Variants in PIGB observed in about 807,000 individuals in gnomAD.
PIGB encodes GPI alpha-1,2-mannosyltransferase 3.
In PIGB, 58 loss-of-function variants were observed where a neutral mutation model predicts 68.4. That is an observed-to-expected ratio of 0.85 (90% CI 0.69 to 1.06). The LOEUF (loss-of-function observed/expected upper bound fraction) is 1.06. Among genes scored for constraint, PIGB ranks in the 50% least tolerant of loss-of-function variants. The pLI is 0.00. For missense variants in PIGB, 634 were observed against 655.8 expected (o/e 0.97, Z 0.36); for synonymous variants, 219 against 220.5 (o/e 0.99, Z 0.06).
In PIGB at chr15:55,340,757, G is replaced by A; in HGVS notation, c.992G>A (p.Cys331Tyr). 1.2e-6 allele frequency: 2 copies of A among 1,611,242 alleles called. No homozygotes were observed. Among genetic ancestry groups the A allele is most frequent in the Non-Finnish European group, 1.7e-6 (2 of 1,178,496 alleles). Reference protein sequence around the residue: ...GTHLPFFIHGCYLAPKRYRIL... With the variant: ...GTHLPFFIHGYYLAPKRYRIL... ...CACTTACCCTTCTTTATTCATGGCTGCTATCTAGCACCAAAGAGATACCGG... is the reference window on the plus strand; with the variant it reads ...CACTTACCCTTCTTTATTCATGGCTACTATCTAGCACCAAAGAGATACCGG... Residue 331 changes from cysteine to tyrosine, a missense_variant, in exon 8 of 12, where the codon TGC becomes TAC. By Grantham distance (194) the Cys-to-Tyr change is radical. Transcript: ENST00000164305.
chr15:55,344,396 AAATATGC>A (rs2055743342), intron 9 of PIGB, among the ~76,000 whole-genome samples: 1 of 152,274 alleles, frequency 6.6e-6, no homozygotes, highest in Admixed American at 6.5e-5. Context: ...GAGAGGGAGC[AAATATGC>A]AAGGCCCTTT....
intron 6 of PIGB, 58 bp from the exon 7 acceptor site, chr15:55,339,209 A>ATT: frequency 8.1e-7 from 1 of 1,242,138 alleles, no homozygotes; most frequent in Non-Finnish European, 1.2e-6. Flanking sequence ...GCCATATGCT[A>ATT]ATAGTGGATT....
chr15:55,343,262 C>T (rs2055713581), intron 9 of PIGB: 1 of 152,168 alleles, frequency 6.6e-6, no homozygotes, highest in Non-Finnish European at 1.5e-5. Context: ...AAAATTTAGA[C>T]ATCTAACAGC....
chr15:55,321,831 T>G (rs918390501), intron 3 of PIGB, among the ~76,000 whole-genome samples: 1 of 149,188 alleles, frequency 6.7e-6, no homozygotes, highest in African/African-American at 2.4e-5. Flanking sequence ...TTTGTATTTT[T>G]AGTAGAGATG....
intron 9 of PIGB, 34 bp downstream of exon 9, chr15:55,341,836 A>G: frequency 1.1e-6 from 1 of 944,224 alleles, no homozygotes; most frequent in Non-Finnish European, 1.5e-6. Context: ...AAAATAAATT[A>G]TATAGAAATA....
At chr15:55,348,266 T>G (rs534004547) in intron 9 of PIGB, 2 of 152,432 alleles carry the variant, frequency 1.3e-5, no homozygotes, top group African/African-American at 4.8e-5. Flanking sequence ...ATTACAGGCG[T>G]GAGCCACAGC....
rs377639710 is a variant in PIGB at position 55,329,777 on chromosome 15, T to C, written c.576T>C (p.Leu192=). The C allele has an allele frequency of 6.2e-7, 1 of 1,610,842 alleles. No individual in the cohort carries two copies. ...WFTWYCCTRT[L]TNTMETVLTI... Reference sequence around the variant, plus strand: ...CATGGTATTGCTGTACCAGAACCCTTACAAACACCATGGAAACTGTTCTCA... The same window carrying C: ...CATGGTATTGCTGTACCAGAACCCTCACAAACACCATGGAAACTGTTCTCA... The change falls in exon 5 of 12, where the codon CTT becomes CTC. Residue 192 remains leucine, a synonymous_variant. Coordinates refer to ENST00000164305, the MANE Select transcript of PIGB (RefSeq NM_004855.5).
Position 55,354,926 on chromosome 15 carries a change from A to C in PIGB, c.1466A>C (p.His489Pro), listed in dbSNP as rs1472592909. ...NPLNWLHREF[H>P]DDASLPTHLI... ...TTAAACTGGTTACATAGAGAGTTTC[A>C]TGATGATGCATCATTGCCTACTCAC... The change falls in exon 11 of 12, where the codon CAT becomes CCT. Residue 489 changes from histidine (H) to proline (P), a missense_variant. Coordinates refer to ENST00000164305, the MANE Select transcript of PIGB (RefSeq NM_004855.5). The C allele has an allele frequency of 1.2e-6, 2 of 1,613,342 alleles. No homozygotes were observed. The highest frequency in any genetic ancestry group is 3.3e-5 in the Admixed American group (2 of 59,948).
chr15:55,354,580 T>C, intron 10 of PIGB: 1 of 475,018 alleles, frequency 2.1e-6, no homozygotes, highest in Non-Finnish European at 3.6e-6. Context: ...AGTTTGGGCT[T>C]ATAGGTTATA....
intron 4 of PIGB, among the ~76,000 whole-genome samples, chr15:55,328,504 A>C (rs976704332): frequency 6.6e-6 from 1 of 152,340 alleles, no homozygotes; most frequent in East Asian, 1.9e-4. Context: ...CAGGTATTCT[A>C]TTCCTTTGCA....
chr15:55,354,371 G>C (rs2056018421), intron 10 of PIGB, among the ~76,000 whole-genome samples: 1 of 151,896 alleles, frequency 6.6e-6, no homozygotes. Flanking sequence ...AGAAAGGGAA[G>C]AGAGAAAGAA....
Position 55,329,859 on chromosome 15 carries a change from G to T in PIGB, c.653+5G>T, listed in dbSNP as rs1213610636. On this transcript the variant is annotated splice_donor_5th_base_variant and intron_variant, in intron 5 of 11. Transcript: ENST00000164305. ...AGGTTCAAAGTCTATGAACAGGTAA[G>T]AAAAATTATTGTTAATAATTATGTT... 6.5e-7 allele frequency: 1 copy of T among 1,540,754 alleles called. No homozygotes were observed. Among genetic ancestry groups the T allele is most frequent in the East Asian group, 2.2e-5 (1 of 44,472 alleles).
At chr15:55,346,851 A>G (rs1408084766) in intron 9 of PIGB, 1 of 152,194 alleles carries the variant, frequency 6.6e-6, no homozygotes, top group Non-Finnish European at 1.5e-5. Context: ...TAAGAAAACC[A>G]TGGACCTTAG....
intron 9 of PIGB, among the ~76,000 whole-genome samples, chr15:55,348,976 C>T (rs1312859643): frequency 6.6e-6 from 1 of 152,008 alleles, no homozygotes; most frequent in East Asian, 1.9e-4. Flanking sequence ...GAGACAGTTT[C>T]ACTCTGTTGC....
chr15:55,323,468 T>G (rs2055211474), intron 3 of PIGB, among the ~76,000 whole-genome samples: 1 of 152,078 alleles, frequency 6.6e-6, no homozygotes, highest in African/African-American at 2.4e-5. Context: ...ACAAAAAATT[T>G]TTAAAAAGGA....
At chr15:55,324,182 T>C (rs2055227902) in intron 3 of PIGB, among the ~76,000 whole-genome samples, 1 of 152,164 alleles carries the variant, frequency 6.6e-6, no homozygotes, top group African/African-American at 2.4e-5. Flanking sequence ...CAGTAGGGTC[T>C]TTGAATAGTC....
chr15:55,340,197 C>G (rs1244707631), intron 7 of PIGB: 1 of 153,932 alleles, frequency 6.5e-6, no homozygotes, highest in African/African-American at 2.4e-5. Context: ...TGGCTCACAC[C>G]TATAATCGCA....
At chr15:55,327,395 A>G in intron 3 of PIGB, 136 bp from the exon 4 acceptor site, 1 of 600,750 alleles carries the variant, frequency 1.7e-6, no homozygotes, top group Non-Finnish European at 2.9e-6. Flanking sequence ...GTGGAAGAAT[A>G]GAAAAATATA....
intron 9 of PIGB, chr15:55,346,614 T>G (rs551867644): frequency 6.6e-6 from 1 of 152,218 alleles, no homozygotes; most frequent in Non-Finnish European, 1.5e-5. Flanking sequence ...ACCTATACTT[T>G]AGTCACTGGG....
Sources: allele counts gnomAD v4.1 joint callset (sites outside exome capture counted in the v4.1 genomes callset), GRCh38; gene constraint gnomAD v4.1.1; transcripts MANE v1.5; gene names NCBI Gene and HGNC (gene_info 2026-07-23, HGNC 2026-07-21).